CEP128: variants seen among roughly 807,000 people sequenced by gnomAD.
The protein encoded by CEP128 is centrosomal protein 128kDa.
Under a neutral mutation model 156.7 loss-of-function variants are expected in CEP128, and 132 were observed. That is an observed-to-expected ratio of 0.84 (90% CI 0.73 to 0.97). CEP128 has a LOEUF of 0.97. Ranked by LOEUF, CEP128 falls within the 50% of genes least tolerant of loss-of-function variation. The pLI is 0.00. For synonymous variants in CEP128, 469 were observed against 448.9 expected (o/e 1.04, Z -0.57); for missense variants, 1,252 against 1,281.9 (o/e 0.98, Z 0.36).
chr14:80,831,297 T>C lies in CEP128; in HGVS notation c.1058-3A>G, dbSNP rs780997933. The C allele has an allele frequency of 1.9e-6, 3 of 1,613,738 alleles. No individual in the cohort carries two copies. Among genetic ancestry groups the C allele is most frequent in the Non-Finnish European group, 2.5e-6 (3 of 1,179,792 alleles). On this transcript the variant is annotated splice_region_variant and splice_polypyrimidine_tract_variant and intron_variant, in intron 12 of 24. Coordinates refer to ENST00000555265, the MANE Select transcript of CEP128 (RefSeq NM_152446.5). ...GTCCTGTTTTTCCCGCTCAACCCCT[T>C]AAAAGATAAAATGTAAGGCTCAAGG...
At chr14:80,593,537 A>C (rs1383613596) in intron 19 of CEP128, among the ~76,000 whole-genome samples, 5 of 120,532 alleles carry the variant, frequency 4.1e-5, no homozygotes, top group Admixed American at 1.9e-4. Flanking sequence ...ACAGAGCAAG[A>C]CTCCATCTCA....
intron 22 of CEP128, 153 bp from the exon 23 acceptor site, chr14:80,527,135 G>C: frequency 1.8e-6 from 1 of 557,472 alleles, no homozygotes; most frequent in South Asian, 2.3e-5. Flanking sequence ...GGCCACCATA[G>C]AGAAAGAAGA....
At chr14:80,755,117 T>C (rs1039011660) in intron 18 of CEP128, among the ~76,000 whole-genome samples, 3 of 152,112 alleles carry the variant, frequency 2.0e-5, no homozygotes, top group Non-Finnish European at 4.4e-5. Context: ...GGCTGAAATA[T>C]AAGGAGGCAG....
At chr14:80,825,400 T>C (rs1885418475) in intron 13 of CEP128, among the ~76,000 whole-genome samples, 1 of 152,232 alleles carries the variant, frequency 6.6e-6, no homozygotes, top group African/African-American at 2.4e-5. Context: ...TGAGCCATCA[T>C]GCCCAGCCCT....
chr14:80,647,684 A>G (rs1894723592), intron 19 of CEP128, among the ~76,000 whole-genome samples: 1 of 152,114 alleles, frequency 6.6e-6, no homozygotes, highest in Admixed American at 6.6e-5. Flanking sequence ...CGTCTGGTGA[A>G]TAGCGACCAG....
At chr14:80,646,072 G>T (rs138984263) in intron 19 of CEP128, among the ~76,000 whole-genome samples, 228 of 152,228 alleles carry the variant, frequency 1.5e-3, no homozygotes, top group South Asian at 7.5e-3. Flanking sequence ...AATAGGTAGA[G>T]CTCACAGGAT....
chr14:80,553,803 CA>C (rs1890314815), intron 21 of CEP128, among the ~76,000 whole-genome samples: 1 of 151,956 alleles, frequency 6.6e-6, no homozygotes, highest in African/African-American at 2.4e-5. Flanking sequence ...TGTATTTTTT[CA>C]TAATTTAACT....
chr14:80,801,840 G>A (rs1264477807), intron 13 of CEP128, among the ~76,000 whole-genome samples: 3 of 146,862 alleles, frequency 2.0e-5, no homozygotes, highest in African/African-American at 7.6e-5. Flanking sequence ...CCCAGGAGGC[G>A]GAGGTTGCAG....
chr14:80,541,649 T>C (rs554043910), intron 21 of CEP128, among the ~76,000 whole-genome samples: 1 of 152,250 alleles, frequency 6.6e-6, no homozygotes, highest in South Asian at 2.1e-4. Context: ...CTTACCCTTA[T>C]CTAAATACTG....
At chr14:80,831,085 C>A (rs1266421884) in intron 13 of CEP128, 58 bp downstream of exon 13, 1 of 1,440,400 alleles carries the variant, frequency 6.9e-7, no homozygotes, top group Non-Finnish European at 9.8e-7. Context: ...TTTCATTAAG[C>A]AATTCCATGA....
chr14:80,673,752 T>C (rs1453009837), intron 19 of CEP128, among the ~76,000 whole-genome samples: 1 of 151,402 alleles, frequency 6.6e-6, no homozygotes, highest in Non-Finnish European at 1.5e-5. Flanking sequence ...TTGGTTTTCT[T>C]GAAGGAGATA....
intron 14 of CEP128, among the ~76,000 whole-genome samples, chr14:80,479,778 A>G (rs1887015350): frequency 6.6e-6 from 1 of 152,220 alleles, no homozygotes; most frequent in South Asian, 2.1e-4. Flanking sequence ...TCCACAGTCC[A>G]AAGTCTCATC....
intron 8 of CEP128, among the ~76,000 whole-genome samples, chr14:80,887,636 G>C (rs973065643): frequency 1.3e-5 from 2 of 152,148 alleles, no homozygotes; most frequent in Admixed American, 6.5e-5. Context: ...GCAGTGTTTA[G>C]AGGGAAATTT....
At chr14:80,566,446 A>G (rs1890911799) in intron 20 of CEP128, among the ~76,000 whole-genome samples, 2 of 152,204 alleles carry the variant, frequency 1.3e-5, no homozygotes, top group African/African-American at 2.4e-5. Flanking sequence ...ATGAAAAGGG[A>G]AAGGCTTTGA....
rs533660451 is a variant in CEP128, at chr14:80,669,942, C to T, written c.2806+73133G>A. On this transcript the variant is annotated intron_variant, in intron 19 of 24. Coordinates refer to ENST00000555265, the MANE Select transcript of CEP128 (RefSeq NM_152446.5). ...GTTCTGCAGGCTATACAGGCATCTG[C>T]TTCTGGGGAGGCCTCAGGAAGCTTC... is the stretch of plus-strand genomic sequence containing the variant. Among the ~76,000 whole-genome samples, 5 of 152,258 alleles carry T rather than the reference C, an allele frequency of 3.3e-5. No individual in the cohort carries two copies. The East Asian group carries it at 5.8e-4, about 18-fold the overall frequency.
At chr14:80,707,650 T>C (rs1414280908) in intron 19 of CEP128, among the ~76,000 whole-genome samples, 1 of 152,210 alleles carries the variant, frequency 6.6e-6, no homozygotes, top group Non-Finnish European at 1.5e-5. Context: ...GTCATACTGA[T>C]ACAATTCAAA....
chr14:80,759,548 C>G (rs1249173840), intron 17 of CEP128, among the ~76,000 whole-genome samples: 2 of 152,058 alleles, frequency 1.3e-5, no homozygotes, highest in African/African-American at 4.8e-5. Context: ...TTTTCTTTCC[C>G]AGGTTTACAG....
chr14:80,707,092 T>C (rs1272351477), intron 19 of CEP128, among the ~76,000 whole-genome samples: 1 of 152,194 alleles, frequency 6.6e-6, no homozygotes, highest in Admixed American at 6.6e-5. Flanking sequence ...ATTTCAATGT[T>C]GGTGGCAGAT....
At chr14:80,920,512 T>C (rs1884799372) in intron 2 of CEP128, among the ~76,000 whole-genome samples, 1 of 152,216 alleles carries the variant, frequency 6.6e-6, no homozygotes. Context: ...TATACTATAA[T>C]TAAAAATTAA....
Sources: allele counts gnomAD v4.1 joint callset (sites outside exome capture counted in the v4.1 genomes callset), GRCh38; gene constraint gnomAD v4.1.1; transcripts MANE v1.5; gene names NCBI Gene and HGNC (gene_info 2026-07-23, HGNC 2026-07-21).